ABL1: variants seen among roughly 807,000 people sequenced by gnomAD.
The protein encoded by ABL1 is tyrosine-protein kinase ABL1.
A neutral mutation model predicts 94.7 loss-of-function variants in ABL1; 11 were observed. That is an observed-to-expected ratio of 0.12 (90% confidence interval 0.07 to 0.19). The LOEUF (loss-of-function observed/expected upper bound fraction) is 0.19. Among genes scored for constraint, ABL1 ranks in the 10% least tolerant of loss-of-function variants. ABL1 has a pLI of 1.00. For missense variants in ABL1, 1,082 were observed against 1,489.4 expected (o/e 0.73, Z 4.50); for synonymous variants, 656 against 622.4 (o/e 1.05, Z -0.80).
chr9:130,826,682 G>A (rs976447925), intron 1 of ABL1, among the ~76,000 whole-genome samples: 3 of 152,130 alleles, frequency 2.0e-5, no homozygotes, highest in East Asian at 3.9e-4. Flanking sequence ...GATCAATTGA[G>A]AGCCTATAAA....
intron 1 of ABL1, among the ~76,000 whole-genome samples, chr9:130,788,951 C>G (rs535813406): frequency 5.3e-5 from 8 of 152,280 alleles, no homozygotes; most frequent in Non-Finnish European, 1.0e-4. Context: ...TGGATAGTTG[C>G]TAGTTTTCCT....
intron 1 of ABL1, among the ~76,000 whole-genome samples, chr9:130,757,261 C>G (rs561213188): frequency 3.1e-4 from 47 of 152,252 alleles, no homozygotes; most frequent in African/African-American, 1.1e-3. Flanking sequence ...TCCTGTTTTC[C>G]TATTGAAAAC....
At chr9:130,834,766 C>G, upstream of ABL1, 1 of 428,392 alleles carries the variant, frequency 2.3e-6, no homozygotes, top group Non-Finnish European at 4.8e-6. Context: ...CCAGCTCTGA[C>G]TTCCTCCCCA....
chr9:130,874,443 G>C (rs1008623209), intron 6 of ABL1, among the ~76,000 whole-genome samples: 3 of 152,196 alleles, frequency 2.0e-5, no homozygotes, highest in African/African-American at 7.2e-5. Flanking sequence ...ATCAAGGACT[G>C]GGCTCAGTGT....
intron 1 of ABL1, among the ~76,000 whole-genome samples, chr9:130,744,789 G>A (rs1228269758): frequency 5.3e-5 from 8 of 150,278 alleles, no homozygotes; most frequent in Admixed American, 2.0e-4. Context: ...CCCAGGAGGC[G>A]GAGCTTGCAG....
At chr9:130,837,813 C>G (rs75775931) in intron 1 of ABL1, among the ~76,000 whole-genome samples, 2,459 of 152,330 alleles carry the variant, frequency 0.016, 60 homozygotes, top group African/African-American at 0.057. Flanking sequence ...TTTCCACTTT[C>G]ACTGACAGCC....
chr9:130,772,945 G>GATCCCTAAA (rs1246168513), intron 1 of ABL1, among the ~76,000 whole-genome samples: 5 of 152,188 alleles, frequency 3.3e-5, no homozygotes, highest in Non-Finnish European at 7.3e-5. Flanking sequence ...ACTTAGACCT[G>GATCCCTAAA]ATCCCTAAAA....
Position 130,884,784 on chromosome 9 carries a change from C to G in ABL1, c.2494C>G (p.His832Asp), listed in dbSNP as rs377450717. 1.1e-5 allele frequency: 18 copies of G among 1,610,630 alleles called. No homozygotes were observed. Among genetic ancestry groups the G allele is most frequent in the Middle Eastern group, 1.6e-4 (1 of 6,076 alleles). ...CGTGGCCCCTGCCTCGGGCCTCCCCCACAAGGAAGAAGCTGGAAAGGGCAG... is the reference window on the plus strand; with the variant it reads ...CGTGGCCCCTGCCTCGGGCCTCCCCGACAAGGAAGAAGCTGGAAAGGGCAG... ...VTVAPASGLP[H>D]KEEAGKGSAL... Residue 832 changes from histidine (H) to aspartate (D), a missense_variant, in exon 11 of 11, where the codon CAC (histidine) becomes GAC (aspartate). This residue lies in a region of ABL1 where 780 missense variants were observed against 835.8 expected (regional missense o/e 0.93). Transcript: ENST00000318560. This position sits in a 1 kb window ranked among gnomAD's most constrained non-coding sequence, Gnocchi z 5.6.
intron 3 of ABL1, among the ~76,000 whole-genome samples, chr9:130,857,310 G>A (rs1310740756): frequency 6.6e-6 from 1 of 152,056 alleles, no homozygotes; most frequent in Non-Finnish European, 1.5e-5. Flanking sequence ...TCCATGAAAG[G>A]GCTTGTTTCC....
chr9:130,844,456 G>C (rs1231393241), intron 1 of ABL1, among the ~76,000 whole-genome samples: 1 of 151,934 alleles, frequency 6.6e-6, no homozygotes, highest in Non-Finnish European at 1.5e-5. Context: ...AGTAATTGGA[G>C]ACTTTTTCAC....
In ABL1 at chr9:130,850,798, C is replaced by T. The variant is rs111975484; in HGVS notation, c.80-3266C>T. Reference sequence around the variant, plus strand: ...CTGGGATAACAGGCATGAGCCACCGCACCCAGCCCCACATACCTACATTTC... The same window carrying T: ...CTGGGATAACAGGCATGAGCCACCGTACCCAGCCCCACATACCTACATTTC... On this transcript the variant is annotated intron_variant, in intron 1 of 10. Transcript: ENST00000318560. Among the ~76,000 whole-genome samples, 1,118 of 152,334 alleles carry T rather than the reference C, an allele frequency of 7.3e-3. 20 individuals are homozygous for T. The highest frequency in any genetic ancestry group is 0.026 in the African/African-American group (1,062 of 41,568).
intron 1 of ABL1, among the ~76,000 whole-genome samples, chr9:130,753,268 C>T (rs2791736): frequency 0.53 from 80,981 of 151,660 alleles, 23,542 homozygotes; most frequent in African/African-American, 0.77. Flanking sequence ...AAAAAAAGAA[C>T]ACCCTTGGTA....
chr9:130,846,035 T>G (rs1830764137), intron 1 of ABL1, among the ~76,000 whole-genome samples: 2 of 152,056 alleles, frequency 1.3e-5, no homozygotes, highest in African/African-American at 4.8e-5. Flanking sequence ...CACAGTGTTT[T>G]GGGATTTGAA....
chr9:130,730,089 G>T (rs536967850), intron 1 of ABL1, among the ~76,000 whole-genome samples: 1 of 132,370 alleles, frequency 7.6e-6, no homozygotes, highest in African/African-American at 3.1e-5. Context: ...TGTTGCCCAC[G>T]CTGGAGTGCA....
At chr9:130,875,826 C>T (rs1831331219) in intron 7 of ABL1, among the ~76,000 whole-genome samples, 1 of 152,036 alleles carries the variant, frequency 6.6e-6, no homozygotes, top group Non-Finnish European at 1.5e-5. Flanking sequence ...CCCTCCCCTC[C>T]TCTCTTCTCC....
At chr9:130,742,100 C>T (rs527496617) in intron 1 of ABL1, among the ~76,000 whole-genome samples, 50 of 152,068 alleles carry the variant, frequency 3.3e-4, no homozygotes, top group Non-Finnish European at 6.2e-4. Flanking sequence ...GAGGCTCAGT[C>T]GTCAGCCCAC....
intron 10 of ABL1, among the ~76,000 whole-genome samples, chr9:130,883,312 A>G (rs1831497470): frequency 6.6e-6 from 1 of 152,176 alleles, no homozygotes; most frequent in African/African-American, 2.4e-5. Context: ...AGCCTAACCA[A>G]CATGGTGAAA....
chr9:130,760,323 G>A (rs1405962035), intron 1 of ABL1, among the ~76,000 whole-genome samples: 1 of 152,098 alleles, frequency 6.6e-6, no homozygotes, highest in Non-Finnish European at 1.5e-5. Context: ...GACACTGTTG[G>A]CCATTAGGAT....
At chr9:130,838,933 A>G (rs1274274803) in intron 1 of ABL1, among the ~76,000 whole-genome samples, 1 of 152,150 alleles carries the variant, frequency 6.6e-6, no homozygotes, top group Non-Finnish European at 1.5e-5. Context: ...TTTTGGAGAT[A>G]GGGTCTTGCT....
Sources: gnomAD v4.1 joint callset for allele counts (sites outside exome capture counted in the v4.1 genomes callset) on GRCh38, gnomAD v4.1.1 for gene constraint, gnomAD v4.1.1 regional missense constraint, Gnocchi (gnomAD v3.1) non-coding constraint, MANE v1.5 for transcripts, NCBI Gene and HGNC (gene_info 2026-07-23, HGNC 2026-07-21) for gene names.